The following BTNL9 variants were observed in gnomAD, a reference collection of about 807,000 sequenced individuals.
BTNL9 encodes butyrophilin-like protein 9.
BTNL9 carries 45 observed loss-of-function variants against 45.8 expected under a neutral mutation model. That is an observed-to-expected ratio of 0.98 (90% confidence interval 0.77 to 1.26). BTNL9 has a LOEUF of 1.26. BTNL9 is among the 50% of genes most tolerant of loss of function. The pLI, the probability that BTNL9 is intolerant of heterozygous loss-of-function variation, is 0.00. For synonymous variants in BTNL9, 346 were observed against 330.8 expected (o/e 1.05, Z -0.50); for missense variants, 784 against 729.7 (o/e 1.07, Z -0.86).
Position 181,055,926 on chromosome 5 carries a change from G to A in BTNL9, c.929-63G>A. ...GGACAGGGTGGGTGCAAGATGTGAT[G>A]TGTGAGCAGGGAAGCTTGGGGTCCT... On this transcript the variant is annotated intron_variant, in intron 8 of 10. Coordinates refer to ENST00000327705, the MANE Select transcript of BTNL9 (RefSeq NM_152547.5). The surrounding 1 kb of genome is among the most constrained non-coding windows in gnomAD (Gnocchi z 4.4). The A allele has an allele frequency of 6.3e-7, 1 of 1,598,612 alleles. No individual in the cohort carries two copies. The highest frequency in any genetic ancestry group is 1.3e-5 in the African/African-American group (1 of 74,696).
rs187663655 is a variant in BTNL9 at position 181,055,685 on chromosome 5, C to T, written c.928+232C>T. On this transcript the variant is annotated intron_variant, in intron 8 of 10. Coordinates refer to ENST00000327705, the MANE Select transcript of BTNL9 (RefSeq NM_152547.5). The surrounding 1 kb of genome is among the most constrained non-coding windows in gnomAD (Gnocchi z 4.4). ...ATGGGAGGCTGAGGCAGGAGAAGGGCGTGAACCCGGGAAGCGGAGCTTGCA... is the reference window on the plus strand; with the variant it reads ...ATGGGAGGCTGAGGCAGGAGAAGGGTGTGAACCCGGGAAGCGGAGCTTGCA... The T allele has an allele frequency of 4.3e-4, 296 of 688,014 alleles. 1 individual carries two copies. The highest frequency in any genetic ancestry group is 6.6e-4 in the Non-Finnish European group (254 of 386,718). The allele number at this position is 688,014 out of a possible 1,614,324, so 42.6% of individuals were successfully genotyped here.
At chr5:181,040,465 C>G (rs1760719540) in intron 1 of BTNL9, 33 bp downstream of exon 1, 1 of 152,200 alleles carries the variant, frequency 6.6e-6, no homozygotes, top group Admixed American at 6.5e-5. Flanking sequence ...CTGCCTACAC[C>G]TCCATCTTTC....
Position 181,055,193 on chromosome 5 carries a change from C to G in BTNL9, c.908-240C>G, listed in dbSNP as rs555185344. On this transcript the variant is annotated intron_variant, in intron 7 of 10. Transcript: ENST00000327705. The surrounding 1 kb of genome is among the most constrained non-coding windows in gnomAD (Gnocchi z 4.4). ...CCTGTCAGTACTAAGATCTGGTATC[C>G]CTTCTAGGCTGTGTGCAGATTTCCA... The G allele has an allele frequency of 1.5e-5, 20 of 1,359,430 alleles. No individual in the cohort carries two copies. Among genetic ancestry groups the G allele is most frequent in the Non-Finnish European group, 1.9e-5 (20 of 1,056,098 alleles). 84.2% of individuals were successfully genotyped at this position (1,359,430 alleles called of 1,614,324 possible).
intron 4 of BTNL9, among the ~76,000 whole-genome samples, chr5:181,051,097 A>C (rs907788025): frequency 6.6e-6 from 1 of 151,894 alleles, no homozygotes; most frequent in South Asian, 2.1e-4. Context: ...AACAAAAAAA[A>C]AAAAAACAAG....
chr5:181,052,557 GAC>G (rs926419719), intron 4 of BTNL9, among the ~76,000 whole-genome samples: 2 of 152,192 alleles, frequency 1.3e-5, no homozygotes, highest in African/African-American at 4.8e-5. Context: ...ATAACTAGAT[GAC>G]ACAGACAGAA....
At position 181,059,891 on chromosome 5, in the gene BTNL9, C is replaced by CG. The variant is rs33927456; in HGVS notation, c.*35dup. The CG allele has an allele frequency of 0.62, 918,401 of 1,475,802 alleles. 287,794 individuals carry two copies. The highest frequency in any genetic ancestry group is 0.76 in the South Asian group (57,143 of 75,666). The allele number at this position is 1,475,802 out of a possible 1,614,324, so 91.4% of individuals were successfully genotyped here. A position where few individuals can be genotyped will look rare whatever the true frequency, so the allele number is the denominator to read the frequency against. On this transcript the variant is annotated 3_prime_UTR_variant, in exon 11 of 11. Coordinates refer to ENST00000327705, the MANE Select transcript of BTNL9 (RefSeq NM_152547.5). Reference sequence around the variant, plus strand: ...GCCCTCGTGGCCGCGGGACTGGCCCCGGGGGGCCCCCTGGATCCCAGGCCA... The same window carrying CG: ...GCCCTCGTGGCCGCGGGACTGGCCCCGGGGGGGCCCCCTGGATCCCAGGCCA...
At chr5:181,054,081 C>A in intron 6 of BTNL9, 158 bp from the exon 7 acceptor site, 2 of 1,549,158 alleles carry the variant, frequency 1.3e-6, no homozygotes, top group Admixed American at 2.0e-5. Flanking sequence ...CTGCCTGGAG[C>A]CTCACTTCCA....
Position 181,058,099 on chromosome 5 carries a change from C to T in BTNL9, c.956-253C>T, listed in dbSNP as rs537805575. On this transcript the variant is annotated intron_variant, in intron 9 of 10. Coordinates refer to ENST00000327705, the MANE Select transcript of BTNL9 (RefSeq NM_152547.5). ...TCTCTTTACCTACATGCTCCACTCTCCTGCTTTTTCCAGCAGAATTTCAGC... is the reference window on the plus strand; with the variant it reads ...TCTCTTTACCTACATGCTCCACTCTTCTGCTTTTTCCAGCAGAATTTCAGC... 6.6e-5 allele frequency among the ~76,000 whole-genome samples: 10 copies of T among 152,270 alleles called. No homozygotes were observed. In the South Asian group the frequency reaches 2.1e-3, roughly 32 times the overall value.
chr5:181,059,421 C>T lies in BTNL9; in HGVS notation c.1167C>T (p.His389=), dbSNP rs1053422917. Residue 389 remains histidine (H), a synonymous_variant, in exon 11 of 11, where the codon CAC becomes CAT. Transcript: ENST00000327705. ...CCGGCCGCCACTACTGGGAGGTGCACGTGGGCCGCCGCAGCCGCTGGTTCC... is the reference window on the plus strand; with the variant it reads ...CCGGCCGCCACTACTGGGAGGTGCATGTGGGCCGCCGCAGCCGCTGGTTCC... The part of the protein sequence containing the change: ...FSAGRHYWEV[H]VGRRSRWFLG... 27 of 1,483,000 alleles carry T rather than the reference C, an allele frequency of 1.8e-5. No individual in the cohort carries two copies. The highest frequency in any genetic ancestry group is 4.9e-5 in the Admixed American group (2 of 40,428). The allele number at this position is 1,483,000 out of a possible 1,614,324, so 91.9% of individuals were successfully genotyped here. A position where few individuals can be genotyped will look rare whatever the true frequency, so the allele number is the denominator to read the frequency against.
At chr5:181,045,446 C>G (rs1761048393) in intron 1 of BTNL9, 21 bp from the exon 2 acceptor site, 1 of 1,325,212 alleles carries the variant, frequency 7.5e-7, no homozygotes, top group Non-Finnish European at 1.1e-6. Context: ...GTCGCTCCAG[C>G]ACCCCTTTGT....
Position 181,053,692 on chromosome 5 carries a change from A to G in BTNL9, c.886+191A>G. 6.6e-7 allele frequency: 1 copy of G among 1,513,854 alleles called. No individual in the cohort carries two copies. The highest frequency in any genetic ancestry group is 8.9e-7 in the Non-Finnish European group (1 of 1,128,352). 93.8% of individuals were successfully genotyped at this position (1,513,854 alleles called of 1,614,324 possible). ...CATATGGACAAAAGCGGAGGTGCGG[A>G]ACGGCTGCATTTTCCACGGAGGCTA... On this transcript the variant is annotated intron_variant, in intron 6 of 10. Coordinates refer to ENST00000327705, the MANE Select transcript of BTNL9 (RefSeq NM_152547.5). This position sits in a 1 kb window ranked among gnomAD's most constrained non-coding sequence, Gnocchi z 6.5.
chr5:181,048,234 C>A lies in BTNL9; in HGVS notation c.417C>A (p.Asn139Lys). ...ATGGCTGCCGCTTCCACTCCGACAA[C>A]TTCTCTGGCGAAGCTCTCTGGGAAC... ...GTYGCRFHSD[N>K]FSGEALWELE... Residue 139 changes from asparagine to lysine, a missense_variant, in exon 3 of 11, where the codon AAC (asparagine) becomes AAA (lysine). Physicochemically the swap from Asn to Lys is moderately conservative, Grantham distance 94. Coordinates refer to ENST00000327705, the MANE Select transcript of BTNL9 (RefSeq NM_152547.5). 6.2e-7 allele frequency: 1 copy of A among 1,612,318 alleles called. No homozygotes were observed. The highest frequency in any genetic ancestry group is 8.5e-7 in the Non-Finnish European group (1 of 1,179,188).
At position 181,048,127 on chromosome 5, in the gene BTNL9, A is replaced by G. The variant is rs1761285687; in HGVS notation, c.310A>G (p.Thr104Ala). ...GCAGATGCCGGCGTTCCGGAACAGG[A>G]CCAAGTTGGTCAAGGACGACATCGC... ...GRQMPAFRNR[T>A]KLVKDDIAYG... Residue 104 changes from threonine to alanine, a missense_variant, in exon 3 of 11, where the codon ACC becomes GCC. By Grantham distance (58) the Thr-to-Ala change is moderately conservative. Coordinates refer to ENST00000327705, the MANE Select transcript of BTNL9 (RefSeq NM_152547.5). 1.9e-6 allele frequency: 3 copies of G among 1,613,638 alleles called. No individual in the cohort carries two copies. The highest frequency in any genetic ancestry group is 1.3e-5 in the African/African-American group (1 of 75,048).
intron 2 of BTNL9, 103 bp downstream of exon 2, chr5:181,045,701 G>A (rs575805231): frequency 1.9e-5 from 17 of 907,998 alleles, no homozygotes; most frequent in African/African-American, 8.3e-5. Context: ...CGTGCCAGAC[G>A]CTAAAATACA....
intron 2 of BTNL9, 119 bp from the exon 3 acceptor site, chr5:181,047,808 G>GT: frequency 3.2e-6 from 3 of 928,194 alleles, no homozygotes; most frequent in Non-Finnish European, 4.8e-6. Context: ...GTCCTGTAGA[G>GT]TATCTCACCT....
Position 181,059,995 on chromosome 5 carries a change from C to T in BTNL9, c.*133C>T. The T allele has an allele frequency of 1.2e-6, 1 of 809,910 alleles. No individual in the cohort carries two copies. The highest frequency in any genetic ancestry group is 1.8e-5 in the South Asian group (1 of 54,394). 50.2% of individuals were successfully genotyped at this position (809,910 alleles called of 1,614,324 possible). ...CAGCGAGGGGGACAAAGAGAGGGAC[C>T]TTTGCCTACGTAGATGTGTATGTGT... On this transcript the variant is annotated 3_prime_UTR_variant, in exon 11 of 11. Transcript: ENST00000327705.
intron 1 of BTNL9, among the ~76,000 whole-genome samples, 186 bp downstream of exon 1, chr5:181,040,618 C>T (rs932753764): frequency 6.6e-6 from 1 of 152,174 alleles, no homozygotes; most frequent in African/African-American, 2.4e-5. Flanking sequence ...TTAGGTGGGC[C>T]GCATCTCAGG....
In BTNL9 at chr5:181,055,822, T is replaced by G; in HGVS notation, c.929-167T>G. 1.3e-6 allele frequency: 1 copy of G among 794,636 alleles called. No individual in the cohort carries two copies. 49.2% of individuals were successfully genotyped at this position (794,636 alleles called of 1,614,324 possible). ...TCATCATTTTGCATCTGATTCCCCATATATCTTCTTCTCATCTCCCAACCA... is the reference window on the plus strand; with the variant it reads ...TCATCATTTTGCATCTGATTCCCCAGATATCTTCTTCTCATCTCCCAACCA... On this transcript the variant is annotated intron_variant, in intron 8 of 10. Coordinates refer to ENST00000327705, the MANE Select transcript of BTNL9 (RefSeq NM_152547.5). This position sits in a 1 kb window ranked among gnomAD's most constrained non-coding sequence, Gnocchi z 4.4.
chr5:181,051,271 A>C (rs1761525622), intron 4 of BTNL9, among the ~76,000 whole-genome samples: 1 of 152,146 alleles, frequency 6.6e-6, no homozygotes, highest in African/African-American at 2.4e-5. Flanking sequence ...AAGGGTTTCA[A>C]GTTCATGGTT....
Sources: allele counts gnomAD v4.1 joint callset (sites outside exome capture counted in the v4.1 genomes callset), GRCh38; gene constraint gnomAD v4.1.1; non-coding constraint Gnocchi (gnomAD v3.1); transcripts MANE v1.5; gene names NCBI Gene and HGNC (gene_info 2026-07-23, HGNC 2026-07-21).